The following AMBRA1 variants were observed in gnomAD, a reference collection of about 807,000 sequenced individuals.
AMBRA1 encodes the protein activating molecule in BECN1-regulated autophagy protein 1.
Under a neutral mutation model 125.4 loss-of-function variants are expected in AMBRA1, and 47 were observed. That is an observed-to-expected ratio of 0.37 (90% CI 0.30 to 0.48). The LOEUF (loss-of-function observed/expected upper bound fraction) is 0.48, where lower values mean the gene tolerates loss of function less well. Ranked by LOEUF, AMBRA1 falls within the 20% of genes least tolerant of loss-of-function variation. The probability of loss-of-function intolerance (pLI) is 0.99; values close to 1 mark genes in which losing one functional copy is unlikely to be tolerated. For missense variants in AMBRA1, 1,331 were observed against 1,693.4 expected (o/e 0.79, Z 3.76); for synonymous variants, 626 against 655.5 (o/e 0.95, Z 0.69).
intron 9 of AMBRA1, among the ~76,000 whole-genome samples, chr11:46,502,300 G>A (rs1950871694): frequency 6.6e-6 from 1 of 152,078 alleles, no homozygotes; most frequent in Non-Finnish European, 1.5e-5. Flanking sequence ...TAGATGGCTG[G>A]CTGATTCCTA....
chr11:46,483,450 T>C (rs1348444805), intron 11 of AMBRA1, among the ~76,000 whole-genome samples: 1 of 152,126 alleles, frequency 6.6e-6, no homozygotes, highest in African/African-American at 2.4e-5. Flanking sequence ...AGAAAGGAAA[T>C]TAACAACCAC....
In AMBRA1 at chr11:46,542,534, T is replaced by G; in HGVS notation, c.1483A>C (p.Ile495Leu). 6.2e-7 allele frequency: 1 copy of G among 1,613,300 alleles called. No homozygotes were observed. Among genetic ancestry groups the G allele is most frequent in the Non-Finnish European group, 8.5e-7 (1 of 1,180,034 alleles). ...AGGTCACACTGAAGCTCATGGCGAATGCTGCCCGAGTTGTTTTGGCTGGAG... is the reference window on the plus strand; with the variant it reads ...AGGTCACACTGAAGCTCATGGCGAAGGCTGCCCGAGTTGTTTTGGCTGGAG... ...NGSSQNNSGS[I>L]RHELQCDLRR... is the part of the protein sequence containing the mutation. Residue 495 changes from isoleucine to leucine, a missense_variant, in exon 7 of 18, where the codon ATT becomes CTT. Ile to Leu is a conservative substitution (Grantham distance 5). Coordinates refer to ENST00000683756, the MANE Select transcript of AMBRA1 (RefSeq NM_001387011.1). The surrounding 1 kb of genome is among the most constrained non-coding windows in gnomAD (Gnocchi z 5.9).
chr11:46,475,855 G>A lies in AMBRA1; in HGVS notation c.2521+17753C>T, dbSNP rs527987183. The stretch of plus-strand genomic sequence containing the variant: ...AACTGTGGCATTCACAAGAAAGAAG[G>A]CAAAGAAAGCAGGCAGCTTCAAATA... On this transcript the variant is annotated intron_variant, in intron 11 of 17. Transcript: ENST00000683756. Among the ~76,000 whole-genome samples, 27 of 152,308 alleles carry A rather than the reference G, an allele frequency of 1.8e-4. No homozygotes were observed. In the South Asian group the frequency reaches 4.1e-3, roughly 23 times the overall value.
intron 11 of AMBRA1, among the ~76,000 whole-genome samples, chr11:46,466,346 A>T (rs1590878148): frequency 2.2e-5 from 2 of 89,186 alleles, no homozygotes; most frequent in Admixed American, 9.4e-5. Flanking sequence ...GACTCTGTCT[A>T]AAAAAAAAAA....
chr11:46,548,638 G>C, intron 1 of AMBRA1, 138 bp from the exon 2 acceptor site: 1 of 446,162 alleles, frequency 2.2e-6, no homozygotes, highest in East Asian at 3.9e-5. Flanking sequence ...CTTCCTCCCA[G>C]AATTTTTCTT....
chr11:46,465,305 G>A (rs1949280174), intron 11 of AMBRA1, among the ~76,000 whole-genome samples: 1 of 152,116 alleles, frequency 6.6e-6, no homozygotes, highest in Admixed American at 6.5e-5. Context: ...CTTGTGTTGT[G>A]TGGCATGGCA....
At chr11:46,426,106 A>G (rs1947121038) in intron 14 of AMBRA1, among the ~76,000 whole-genome samples, 1 of 152,046 alleles carries the variant, frequency 6.6e-6, no homozygotes, top group South Asian at 2.1e-4. Context: ...CATTGTGGAA[A>G]TGAGTAAGAT....
At position 46,547,136 on chromosome 11, in the gene AMBRA1, C is replaced by T; in HGVS notation, c.355G>A (p.Glu119Lys). ...GLIASGCLDGEVRIWDLHGGS... is the reference protein window; with the variant it reads ...GLIASGCLDGKVRIWDLHGGS... The stretch of plus-strand genomic sequence containing the variant: ...ACGTGTAAATCCCAAATCCTAACCT[C>T]CCCATCTAGGCAGCCAGAAGCAATA... Residue 119 changes from glutamate (E) to lysine (K), a missense_variant, in exon 4 of 18, where the codon GAG becomes AAG. This residue lies in a region of AMBRA1 where 144 missense variants were observed against 250.4 expected (regional missense o/e 0.58). Coordinates refer to ENST00000683756, the MANE Select transcript of AMBRA1 (RefSeq NM_001387011.1). The T allele has an allele frequency of 6.2e-7, 1 of 1,612,396 alleles. No individual in the cohort carries two copies. The highest frequency in any genetic ancestry group is 8.5e-7 in the Non-Finnish European group (1 of 1,179,486).
intron 11 of AMBRA1, among the ~76,000 whole-genome samples, chr11:46,483,399 C>T (rs1950148741): frequency 6.6e-6 from 1 of 152,094 alleles, no homozygotes; most frequent in Admixed American, 6.5e-5. Flanking sequence ...GGCATGAGGA[C>T]CCAGGGGAAG....
intron 14 of AMBRA1, among the ~76,000 whole-genome samples, chr11:46,427,709 C>G (rs1454677822): frequency 6.6e-6 from 1 of 152,104 alleles, no homozygotes; most frequent in Non-Finnish European, 1.5e-5. Flanking sequence ...GGATGTAGGT[C>G]TATAAAAAAT....
rs139272811 is a variant in AMBRA1 at position 46,568,579 on chromosome 11, C to T, written c.-120-20079G>A. On this transcript the variant is annotated intron_variant, in intron 1 of 17. Transcript: ENST00000683756. ...CCTGAGGTCAGGAGTTTGAGACCAG[C>T]CTGACCAACAGAGACACCCCATCTC... Among the ~76,000 whole-genome samples the T allele has an allele frequency of 8.6e-3, 1,310 of 151,846 alleles. 9 individuals are homozygous for T. Among genetic ancestry groups the T allele is most frequent in the African/African-American group, 0.03 (1,263 of 41,442 alleles).
At chr11:46,538,670 G>T (rs779568975) in intron 7 of AMBRA1, among the ~76,000 whole-genome samples, 68 of 151,890 alleles carry the variant, frequency 4.5e-4, no homozygotes, top group Non-Finnish European at 7.8e-4. Context: ...AATTTTTTTT[G>T]TATTTTTAAT....
chr11:46,399,730 C>CA (rs960716435), intron 17 of AMBRA1, among the ~76,000 whole-genome samples: 7 of 152,296 alleles, frequency 4.6e-5, no homozygotes, highest in African/African-American at 1.7e-4. Flanking sequence ...CTTTACCCCC[C>CA]AGTCTTCACA....
intron 11 of AMBRA1, among the ~76,000 whole-genome samples, chr11:46,472,385 G>A (rs536345047): frequency 2.0e-5 from 3 of 152,230 alleles, no homozygotes; most frequent in African/African-American, 7.2e-5. Context: ...AAATAACCTG[G>A]GTGCTAGGAC....
chr11:46,397,818 C>T lies in AMBRA1; in HGVS notation c.3529G>A (p.Gly1177Ser), dbSNP rs770347233. Residue 1177 changes from glycine to serine, a missense_variant, in exon 18 of 18, where the codon GGC (glycine) becomes AGC (serine). Coordinates refer to ENST00000683756, the MANE Select transcript of AMBRA1 (RefSeq NM_001387011.1). The stretch of plus-strand genomic sequence containing the variant: ...CTGACGATGATGTTGTTGCCGAAGC[C>T]GCCCATGGAGGCCATGGTGGTGCTC... ...EQSTTMASMG[G>S]FGNNIIVSHR... The T allele has an allele frequency of 1.7e-5, 27 of 1,605,880 alleles. No individual in the cohort carries two copies. Among genetic ancestry groups the T allele is most frequent in the African/African-American group, 5.3e-5 (4 of 74,914 alleles).
Position 46,542,631 on chromosome 11 carries a change from C to T in AMBRA1, c.1386G>A (p.Val462=), listed in dbSNP as rs1952803195. Residue 462 remains valine, a synonymous_variant, in exon 7 of 18, where the codon GTG becomes GTA. Transcript: ENST00000683756. The surrounding 1 kb of genome is among the most constrained non-coding windows in gnomAD (Gnocchi z 5.9). ...CCCTCCCTTCTGTGGCTGAAGTGTA[C>T]ACAGATGCCTGAGAGCCACCTTCCT... ...RQQEGGSQAS[V]YTSATEGRGF... 1.2e-6 allele frequency: 2 copies of T among 1,614,164 alleles called. No individual in the cohort carries two copies. Among genetic ancestry groups the T allele is most frequent in the South Asian group, 1.1e-5 (1 of 91,082 alleles).
chr11:46,479,941 G>C (rs79154577), intron 11 of AMBRA1, among the ~76,000 whole-genome samples: 1,602 of 152,260 alleles, frequency 0.011, 26 homozygotes, highest in African/African-American at 0.036. Context: ...CATTGGGCTA[G>C]AAGAAAGGTG....
chr11:46,460,970 TG>T (rs1473025661), intron 11 of AMBRA1, among the ~76,000 whole-genome samples: 1 of 151,440 alleles, frequency 6.6e-6, no homozygotes, highest in Non-Finnish European at 1.5e-5. Flanking sequence ...GGGCCAGGAG[TG>T]GTGGTGCACA....
chr11:46,561,803 TAG>T (rs1027450032), intron 1 of AMBRA1, among the ~76,000 whole-genome samples: 3 of 152,154 alleles, frequency 2.0e-5, no homozygotes, highest in African/African-American at 7.2e-5. Flanking sequence ...TCACATTTCT[TAG>T]CCAATCAAAA....
Sources: gnomAD v4.1 joint callset for allele counts (sites outside exome capture counted in the v4.1 genomes callset) on GRCh38, gnomAD v4.1.1 for gene constraint, gnomAD v4.1.1 regional missense constraint, Gnocchi (gnomAD v3.1) non-coding constraint, MANE v1.5 for transcripts, NCBI Gene and HGNC (gene_info 2026-07-23, HGNC 2026-07-21) for gene names.